XPO1: variants seen among roughly 807,000 people sequenced by gnomAD.
XPO1 encodes the protein exportin-1.
XPO1 carries 5 observed loss-of-function variants against 133.3 expected under a neutral mutation model. The ratio of observed to expected loss-of-function variants is 0.04; its 90% CI spans 0.02 to 0.08. The LOEUF (loss-of-function observed/expected upper bound fraction) is 0.08. Ranked by LOEUF, XPO1 falls within the 10% of genes least tolerant of loss-of-function variation. The probability of loss-of-function intolerance (pLI) is 1.00; values close to 1 mark genes in which losing one functional copy is unlikely to be tolerated. For missense variants in XPO1, 506 were observed against 1,267.5 expected (o/e 0.40, Z 9.12); for synonymous variants, 419 against 408.2 (o/e 1.03, Z -0.32).
At chr2:61,514,524 CA>C (rs1351798476) in intron 4 of XPO1, among the ~76,000 whole-genome samples, 1 of 149,204 alleles carries the variant, frequency 6.7e-6, no homozygotes, top group Non-Finnish European at 1.5e-5. Flanking sequence ...ACCCGGGAAA[CA>C]GAGGTTGCAG....
intron 18 of XPO1, 24 bp downstream of exon 18, chr2:61,488,564 G>A: frequency 1.2e-6 from 2 of 1,606,752 alleles, no homozygotes; most frequent in Non-Finnish European, 1.7e-6. Context: ...ATACTGCATT[G>A]TGTAAGAAAT....
intron 2 of XPO1, among the ~76,000 whole-genome samples, chr2:61,528,659 A>G (rs1699014229): frequency 6.7e-6 from 1 of 149,928 alleles, no homozygotes. Flanking sequence ...TCTCAAAAAA[A>G]AAAAAAAAAT....
intron 2 of XPO1, among the ~76,000 whole-genome samples, chr2:61,532,066 A>C (rs1157897846): frequency 6.6e-6 from 1 of 152,178 alleles, no homozygotes; most frequent in Non-Finnish European, 1.5e-5. Flanking sequence ...TACTGTATCC[A>C]CCTTATATAT....
intron 4 of XPO1, among the ~76,000 whole-genome samples, chr2:61,517,799 G>A (rs2104696826): frequency 6.6e-6 from 1 of 152,162 alleles, no homozygotes; most frequent in Non-Finnish European, 1.5e-5. Context: ...TAATTAGCTG[G>A]GCATGGTGGT....
At chr2:61,513,040 C>T (rs1000699376) in intron 4 of XPO1, among the ~76,000 whole-genome samples, 1 of 151,934 alleles carries the variant, frequency 6.6e-6, no homozygotes, top group Non-Finnish European at 1.5e-5. Context: ...ACCTCATATA[C>T]AAAAATTGAG....
At chr2:61,486,926 C>G (rs113726867) in intron 19 of XPO1, among the ~76,000 whole-genome samples, 2,901 of 151,944 alleles carry the variant, frequency 0.019, 90 homozygotes, top group African/African-American at 0.065. Context: ...GCTACAATGC[C>G]CAGTAAGATT....
intron 4 of XPO1, among the ~76,000 whole-genome samples, chr2:61,505,712 C>T (rs1410746938): frequency 6.6e-6 from 1 of 152,166 alleles, no homozygotes; most frequent in Admixed American, 6.5e-5. Context: ...ACGTGAGCCA[C>T]CGCACCTGGC....
intron 4 of XPO1, among the ~76,000 whole-genome samples, chr2:61,509,504 T>C (rs554412904): frequency 1.3e-5 from 2 of 152,086 alleles, no homozygotes; most frequent in African/African-American, 4.8e-5. Flanking sequence ...CGCATGACTG[T>C]AATCCCAACT....
intron 4 of XPO1, among the ~76,000 whole-genome samples, chr2:61,521,437 T>C (rs1006078558): frequency 2.0e-5 from 3 of 152,184 alleles, no homozygotes; most frequent in Non-Finnish European, 4.4e-5. Flanking sequence ...AAAATTTCTA[T>C]TTTTCAGAGA....
At chr2:61,483,689 A>G (rs1056648896) in intron 21 of XPO1, 4 of 411,774 alleles carry the variant, frequency 9.7e-6, no homozygotes, top group African/African-American at 6.2e-5. Flanking sequence ...ATCACTACCC[A>G]GTAGAACTTT....
At chr2:61,496,748 C>A in intron 10 of XPO1, 131 bp downstream of exon 10, 1 of 1,138,010 alleles carries the variant, frequency 8.8e-7, no homozygotes, top group Non-Finnish European at 1.1e-6. Context: ...TAGCTTACTA[C>A]AAATTTTATG....
intron 4 of XPO1, among the ~76,000 whole-genome samples, chr2:61,521,791 C>T (rs182640156): frequency 1.7e-4 from 26 of 152,020 alleles, no homozygotes; most frequent in Non-Finnish European, 2.9e-5. Context: ...GAGTTTCGCT[C>T]GTTGCCCAGG....
chr2:61,526,181 A>C (rs1698898666), intron 3 of XPO1: 1 of 1,308,292 alleles, frequency 7.6e-7, no homozygotes, highest in Non-Finnish European at 9.7e-7. Context: ...AAAAGAAAAA[A>C]ACAAAATCAG....
chr2:61,488,628 C>T lies in XPO1; in HGVS notation c.2166G>A (p.Lys722=), dbSNP rs150058585. 2 of 1,613,528 alleles carry T rather than the reference C, an allele frequency of 1.2e-6. No individual in the cohort carries two copies. Among genetic ancestry groups the T allele is most frequent in the Non-Finnish European group, 1.7e-6 (2 of 1,179,660 alleles). ...CTGCAGAAATATTTTCACTGAGGCA[C>T]TTGTATACATTAAGCATATCTAAAT... ...RIYLDMLNVY[K]CLSENISAAI... Residue 722 remains lysine (K), a synonymous_variant, in exon 18 of 25, where the codon AAG becomes AAA. Coordinates refer to ENST00000401558, the MANE Select transcript of XPO1 (RefSeq NM_003400.4).
In XPO1 at chr2:61,478,448, T is replaced by G. The variant is rs1337348751; in HGVS notation, c.*372A>C. ...AGGCTGAAATAGACTAGAAGGAAAA[T>G]GCTCCCTAATTAAAAATTGGTATTG... On this transcript the variant is annotated 3_prime_UTR_variant, in exon 25 of 25. Coordinates refer to ENST00000401558, the MANE Select transcript of XPO1 (RefSeq NM_003400.4). 1 of 271,828 alleles carries G rather than the reference T, an allele frequency of 3.7e-6. No homozygotes were observed. Among genetic ancestry groups the G allele is most frequent in the African/African-American group, 2.2e-5 (1 of 45,784 alleles). The allele number at this position is 271,828 out of a possible 1,614,324, so 16.8% of individuals were successfully genotyped here.
In XPO1 at chr2:61,495,653, AAAC is replaced by A. The variant is rs557364805; in HGVS notation, c.889-43_889-41del. On this transcript the variant is annotated intron_variant, in intron 10 of 24. Coordinates refer to ENST00000401558, the MANE Select transcript of XPO1 (RefSeq NM_003400.4). ...AGGGACGATCAGTTCGCATTTTATA[AAAC>A]AACTAAAGACACTTAATATTTTATT... 1,430 of 1,508,260 alleles carry A rather than the reference AAAC, an allele frequency of 9.5e-4. 15 individuals are homozygous for A. In the African/African-American group the frequency reaches 0.017, roughly 18 times the overall value. 93.4% of individuals were successfully genotyped at this position (1,508,260 alleles called of 1,614,324 possible). A position where few individuals can be genotyped will look rare whatever the true frequency, so the allele number is the denominator to read the frequency against.
intron 3 of XPO1, among the ~76,000 whole-genome samples, chr2:61,524,140 T>C (rs1001100584): frequency 6.6e-6 from 1 of 152,164 alleles, no homozygotes; most frequent in East Asian, 1.9e-4. Context: ...TTTAATTTTA[T>C]AGGCACAAAA....
At chr2:61,519,698 C>CAAAAAAAAAAAAAAAAAAAAA (rs753424450) in intron 4 of XPO1, among the ~76,000 whole-genome samples, 1 of 72,774 alleles carries the variant, frequency 1.4e-5, no homozygotes, top group Non-Finnish European at 2.4e-5. Flanking sequence ...GACTCCGTCT[C>CAAAAAAAAAAAAAAAAAAAAA]AAAAAAAAAA....
Position 61,492,805 on chromosome 2 carries a change from TAAC to T in XPO1, c.1385-60_1385-58del. 1 of 1,568,706 alleles carries T rather than the reference TAAC, an allele frequency of 6.4e-7. No homozygotes were observed. Among genetic ancestry groups the T allele is most frequent in the Non-Finnish European group, 8.7e-7 (1 of 1,154,776 alleles). ...TAATGAGCAGAATTTTATTGATGAG[TAAC>T]AATACATTTAGAAAATATTTAGAAA... On this transcript the variant is annotated intron_variant, in intron 13 of 24. Coordinates refer to ENST00000401558, the MANE Select transcript of XPO1 (RefSeq NM_003400.4). The surrounding 1 kb of genome is among the most constrained non-coding windows in gnomAD (Gnocchi z 5.6).
Sources: gnomAD v4.1 joint callset for allele counts (sites outside exome capture counted in the v4.1 genomes callset) on GRCh38, gnomAD v4.1.1 for gene constraint, Gnocchi (gnomAD v3.1) non-coding constraint, MANE v1.5 for transcripts, NCBI Gene and HGNC (gene_info 2026-07-23, HGNC 2026-07-21) for gene names.